Variants in CNTN5 observed in about 807,000 individuals in gnomAD.
CNTN5 encodes contactin 5, also known as contactin-5.
In CNTN5, 77 loss-of-function variants were observed where a neutral mutation model predicts 129.1. The observed-to-expected ratio is 0.60, with a 90% CI of 0.50 to 0.72. The LOEUF (loss-of-function observed/expected upper bound fraction) is 0.72, where lower values mean the gene tolerates loss of function less well. Ranked by LOEUF, CNTN5 falls within the 30% of genes least tolerant of loss-of-function variation. The pLI, the probability that CNTN5 is intolerant of heterozygous loss-of-function variation, is 0.00. For missense variants in CNTN5, 1,478 were observed against 1,328.8 expected (o/e 1.11, Z -1.75); for synonymous variants, 509 against 465.6 (o/e 1.09, Z -1.20).
chr11:100,049,547 C>T (rs1393811810), intron 9 of CNTN5, among the ~76,000 whole-genome samples: 2 of 151,982 alleles, frequency 1.3e-5, no homozygotes, highest in African/African-American at 2.4e-5. Flanking sequence ...AATTCACAAA[C>T]TAAACCAAAG....
intron 3 of CNTN5, among the ~76,000 whole-genome samples, chr11:99,727,312 C>CAAAAAAAAAAAAAAAAAAAAAAAAAAAAA (rs397936738): frequency 8.2e-5 from 2 of 24,292 alleles, no homozygotes; most frequent in African/African-American, 1.6e-4. Context: ...GACTCCGTCT[C>CAAAAAAAAAAAAAAAAAAAAAAAAAAAAA]AAAAAAAAAA....
chr11:99,372,226 G>C (rs578127716), intron 2 of CNTN5, among the ~76,000 whole-genome samples: 3 of 152,198 alleles, frequency 2.0e-5, no homozygotes, highest in South Asian at 4.2e-4. Flanking sequence ...TTATGTATGT[G>C]AGTTTCCATT....
At chr11:99,918,283 C>T (rs541896735) in intron 7 of CNTN5, among the ~76,000 whole-genome samples, 2 of 152,224 alleles carry the variant, frequency 1.3e-5, no homozygotes, top group South Asian at 2.1e-4. Flanking sequence ...AACTCTTAGC[C>T]TACTTCACAT....
rs182703093 is a variant in CNTN5 at position 100,350,073 on chromosome 11, C to T, written c.3031-629C>T. 1.1e-4 allele frequency among the ~76,000 whole-genome samples: 16 copies of T among 151,582 alleles called. No individual in the cohort carries two copies. The East Asian group carries it at 1.9e-3, about 18-fold the overall frequency. On this transcript the variant is annotated intron_variant, in intron 23 of 24. Coordinates refer to ENST00000524871, the MANE Select transcript of CNTN5 (RefSeq NM_014361.4). ...TTTGCTACACCATGTATCCAAATGC[C>T]GATTTTACCAAAAAGCAAACCACTA...
intron 4 of CNTN5, among the ~76,000 whole-genome samples, chr11:99,820,749 T>C (rs1400370276): frequency 6.6e-6 from 1 of 152,254 alleles, no homozygotes; most frequent in African/African-American, 2.4e-5. Flanking sequence ...ACACTGCTAA[T>C]AGGTATCATA....
At chr11:99,551,291 T>G (rs1591265315) in intron 2 of CNTN5, among the ~76,000 whole-genome samples, 1 of 152,302 alleles carries the variant, frequency 6.6e-6, no homozygotes, top group South Asian at 2.1e-4. Context: ...GGCAAACATT[T>G]AAGGCATATG....
chr11:99,780,041 A>G (rs956861245), intron 3 of CNTN5, among the ~76,000 whole-genome samples: 1 of 152,024 alleles, frequency 6.6e-6, no homozygotes, highest in Non-Finnish European at 1.5e-5. Context: ...TTCAGCATAG[A>G]AGGAGTCTGG....
chr11:99,634,471 C>T (rs182489562), intron 3 of CNTN5, among the ~76,000 whole-genome samples: 139 of 152,188 alleles, frequency 9.1e-4, no homozygotes, highest in Non-Finnish European at 5.0e-4. Context: ...CTGCAGTGGG[C>T]ACGAACGGTG....
intron 13 of CNTN5, among the ~76,000 whole-genome samples, chr11:100,127,505 G>A (rs1346393333): frequency 6.6e-6 from 1 of 151,844 alleles, no homozygotes; most frequent in Non-Finnish European, 1.5e-5. Flanking sequence ...CAGTTATGAT[G>A]GAGTTTTCAT....
intron 2 of CNTN5, among the ~76,000 whole-genome samples, chr11:99,452,087 A>C (rs1255511130): frequency 6.6e-6 from 1 of 152,180 alleles, no homozygotes; most frequent in Non-Finnish European, 1.5e-5. Flanking sequence ...AAAGTACCTT[A>C]GAGATTACAT....
chr11:99,346,416 G>C (rs1288149921), intron 2 of CNTN5, among the ~76,000 whole-genome samples: 1 of 152,184 alleles, frequency 6.6e-6, no homozygotes, highest in Admixed American at 6.5e-5. Context: ...TGTCCAGAAG[G>C]CCTTGATCTC....
intron 7 of CNTN5, among the ~76,000 whole-genome samples, chr11:99,933,104 T>G (rs1405739537): frequency 6.6e-6 from 1 of 152,188 alleles, no homozygotes; most frequent in East Asian, 1.9e-4. Context: ...TAGTTAATTT[T>G]GTATATTTCA....
intron 3 of CNTN5, among the ~76,000 whole-genome samples, chr11:99,788,918 C>T (rs1475816881): frequency 6.6e-6 from 1 of 151,734 alleles, no homozygotes; most frequent in African/African-American, 2.4e-5. Flanking sequence ...TCTGTGTTAG[C>T]TGACTTTCTG....
chr11:99,921,421 A>G (rs186447416), intron 7 of CNTN5, among the ~76,000 whole-genome samples: 4 of 152,272 alleles, frequency 2.6e-5, no homozygotes, highest in Admixed American at 2.6e-4. Context: ...AGGTATATGA[A>G]TGGCTCACTC....
At chr11:99,112,562 G>A (rs1047188485) in intron 1 of CNTN5, among the ~76,000 whole-genome samples, 23 of 151,948 alleles carry the variant, frequency 1.5e-4, no homozygotes, top group African/African-American at 5.6e-4. Flanking sequence ...TATTGACTAA[G>A]GTATTTATAG....
At chr11:99,998,528 A>G (rs905037703) in intron 8 of CNTN5, among the ~76,000 whole-genome samples, 2 of 140,040 alleles carry the variant, frequency 1.4e-5, no homozygotes, top group African/African-American at 5.2e-5. Flanking sequence ...ATGGAAGAAC[A>G]TTCCTTGCTC....
chr11:100,077,440 A>G lies in CNTN5; in HGVS notation c.1580+3146A>G, dbSNP rs541789876. On this transcript the variant is annotated intron_variant, in intron 13 of 24. Coordinates refer to ENST00000524871, the MANE Select transcript of CNTN5 (RefSeq NM_014361.4). Reference sequence around the variant, plus strand: ...TGTTTTGGGTTCATTCCAAAGAACTATTGAAACAGCAAATGGCAGTTTCTG... The same window carrying G: ...TGTTTTGGGTTCATTCCAAAGAACTGTTGAAACAGCAAATGGCAGTTTCTG... Among the ~76,000 whole-genome samples the G allele has an allele frequency of 5.9e-5, 9 of 152,300 alleles. No homozygotes were observed. In the South Asian group the frequency reaches 1.9e-3, roughly 32 times the overall value.
intron 3 of CNTN5, among the ~76,000 whole-genome samples, chr11:99,598,280 T>TG (rs1565335355): frequency 1.7e-4 from 1 of 5,934 alleles, no homozygotes; most frequent in African/African-American, 4.0e-4. Context: ...TTTTCTTTTC[T>TG]TTTCTTTTCT....
chr11:99,637,322 A>G (rs1317136936), intron 3 of CNTN5, among the ~76,000 whole-genome samples: 1 of 152,126 alleles, frequency 6.6e-6, no homozygotes, highest in Non-Finnish European at 1.5e-5. Context: ...ATGTACACAG[A>G]TCAACATGGA....
Sources: allele counts gnomAD v4.1 joint callset (sites outside exome capture counted in the v4.1 genomes callset), GRCh38; gene constraint gnomAD v4.1.1; transcripts MANE v1.5; gene names NCBI Gene and HGNC (gene_info 2026-07-23, HGNC 2026-07-21).